The following PARD3B variants were observed in gnomAD, a reference collection of about 807,000 sequenced individuals.
The protein encoded by PARD3B is partitioning defective 3 homolog B.
In PARD3B, 103 loss-of-function variants were observed where a neutral mutation model predicts 130.2. The ratio of observed to expected loss-of-function variants is 0.79; its 90% CI spans 0.67 to 0.93. The LOEUF is 0.93. Among genes scored for constraint, PARD3B ranks in the 40% least tolerant of loss-of-function variants. The probability of loss-of-function intolerance (pLI) is 0.00; values close to 1 mark genes in which losing one functional copy is unlikely to be tolerated. For missense variants in PARD3B, 1,609 were observed against 1,499.2 expected, an observed-to-expected ratio of 1.07 and a Z score of -1.21; for synonymous variants, 583 against 553.2, an observed-to-expected ratio of 1.05 and a Z score of -0.76.
chr2:204,714,267 A>G (rs1388772982), intron 2 of PARD3B, among the ~76,000 whole-genome samples: 2 of 152,166 alleles, frequency 1.3e-5, no homozygotes, highest in African/African-American at 4.8e-5. Flanking sequence ...CTGCAAAATA[A>G]CATTTACTAA....
rs1373809667 is a variant in PARD3B at position 205,125,786 on chromosome 2, ACACTCAATGAACT to A, written c.1434+52_1434+64del. 1 of 1,604,244 alleles carries A rather than the reference ACACTCAATGAACT, an allele frequency of 6.2e-7. No individual in the cohort carries two copies. The highest frequency in any genetic ancestry group is 1.3e-5 in the African/African-American group (1 of 74,678). On this transcript the variant is annotated intron_variant, in intron 10 of 22. Coordinates refer to ENST00000406610, the MANE Select transcript of PARD3B (RefSeq NM_001302769.2). The surrounding 1 kb of genome is among the most constrained non-coding windows in gnomAD (Gnocchi z 4.0). ...CTGAATTTTTAATGCCGAGCTTAATACACTCAATGAACTCATTATAGCTGAGAAACGAGTTCTA... is the reference window on the plus strand; with the variant it reads ...CTGAATTTTTAATGCCGAGCTTAATACATTATAGCTGAGAAACGAGTTCTA...
chr2:204,889,811 C>G (rs17595672), intron 2 of PARD3B, among the ~76,000 whole-genome samples: 1 of 152,238 alleles, frequency 6.6e-6, no homozygotes, highest in South Asian at 2.1e-4. Context: ...TCAACTGATT[C>G]AAGGCTGGTG....
chr2:205,588,359 C>G (rs898030537), intron 22 of PARD3B, among the ~76,000 whole-genome samples: 1 of 152,166 alleles, frequency 6.6e-6, no homozygotes, highest in African/African-American at 2.4e-5. Flanking sequence ...TACTTTGTAT[C>G]TATCCCAGAG....
Position 204,618,213 on chromosome 2 carries a change from C to T in PARD3B, c.121-67968C>T, listed in dbSNP as rs111247781. Among the ~76,000 whole-genome samples the T allele has an allele frequency of 5.5e-3, 842 of 152,192 alleles. 5 individuals are homozygous for T. Among genetic ancestry groups the T allele is most frequent in the Non-Finnish European group, 8.8e-3 (598 of 67,998 alleles). On this transcript the variant is annotated intron_variant, in intron 1 of 22. Transcript: ENST00000406610. ...ATGTTTATGTCCTAGAATTTTCACC[C>T]GGGATCACAAACTAGCATATAGAGG...
chr2:204,829,775 G>T (rs908433555), intron 2 of PARD3B, among the ~76,000 whole-genome samples: 1 of 151,964 alleles, frequency 6.6e-6, no homozygotes, highest in Non-Finnish European at 1.5e-5. Flanking sequence ...CGAGGTGGGC[G>T]GATCACGAGG....
chr2:204,680,612 C>A (rs923978527), intron 1 of PARD3B, among the ~76,000 whole-genome samples: 9 of 151,348 alleles, frequency 5.9e-5, no homozygotes, highest in Non-Finnish European at 7.4e-5. Context: ...GCTTTTTGAT[C>A]AATTTTTTTT....
intron 4 of PARD3B, among the ~76,000 whole-genome samples, chr2:205,103,397 A>G (rs1359521819): frequency 9.9e-5 from 11 of 111,030 alleles, no homozygotes; most frequent in South Asian, 3.0e-4. Flanking sequence ...TATAAATTAT[A>G]TAAATAAAAT....
At chr2:205,497,987 G>T (rs570054397) in intron 20 of PARD3B, among the ~76,000 whole-genome samples, 3 of 146,248 alleles carry the variant, frequency 2.1e-5, no homozygotes, top group South Asian at 4.4e-4. Flanking sequence ...GACCAGCCTG[G>T]CCAACATGGT....
Position 204,746,116 on chromosome 2 carries a change from T to C in PARD3B, c.222+59834T>C, listed in dbSNP as rs528571368. On this transcript the variant is annotated intron_variant, in intron 2 of 22. Coordinates refer to ENST00000406610, the MANE Select transcript of PARD3B (RefSeq NM_001302769.2). Reference sequence around the variant, plus strand: ...ATTTAGCATTAGGTATATCTCCTAATGCTATCCCTCCCCCCTCCCCCCACC... The same window carrying C: ...ATTTAGCATTAGGTATATCTCCTAACGCTATCCCTCCCCCCTCCCCCCACC... Among the ~76,000 whole-genome samples, 22 of 139,596 alleles carry C rather than the reference T, an allele frequency of 1.6e-4. No individual in the cohort carries two copies. The South Asian group carries it at 5.8e-3, about 37-fold the overall frequency. The allele number at this position is 139,596 out of a possible 152,430, so 91.6% of individuals were successfully genotyped here. A position where few individuals can be genotyped will look rare whatever the true frequency, so the allele number is the denominator to read the frequency against.
intron 2 of PARD3B, among the ~76,000 whole-genome samples, chr2:204,763,039 C>T (rs1468311700): frequency 2.6e-5 from 4 of 152,190 alleles, no homozygotes; most frequent in African/African-American, 9.6e-5. Flanking sequence ...GGATTACATG[C>T]GTGAGCCACT....
intron 11 of PARD3B, among the ~76,000 whole-genome samples, chr2:205,162,613 A>G (rs1167767867): frequency 1.3e-5 from 2 of 152,266 alleles, no homozygotes; most frequent in African/African-American, 4.8e-5. Context: ...TTCTGAAAGA[A>G]TTATGAGCAG....
At chr2:205,393,466 T>C (rs2045925787) in intron 18 of PARD3B, among the ~76,000 whole-genome samples, 2 of 152,240 alleles carry the variant, frequency 1.3e-5, no homozygotes, top group Admixed American at 6.5e-5. Flanking sequence ...TAGCGATGAC[T>C]AGATGTTGCA....
intron 3 of PARD3B, among the ~76,000 whole-genome samples, chr2:205,014,852 A>T (rs1439231765): frequency 1.3e-5 from 2 of 152,234 alleles, no homozygotes; most frequent in Non-Finnish European, 2.9e-5. Flanking sequence ...GTGAAATTTA[A>T]GCTGAGGACA....
chr2:204,925,059 G>A (rs902820291), intron 2 of PARD3B, among the ~76,000 whole-genome samples: 7 of 150,866 alleles, frequency 4.6e-5, no homozygotes, highest in Admixed American at 4.6e-4. Flanking sequence ...GTATATACAG[G>A]TATCTATGTA....
In PARD3B at chr2:205,229,682, T is replaced by C. The variant is rs569171787; in HGVS notation, c.2141-16096T>C. On this transcript the variant is annotated intron_variant, in intron 15 of 22. Transcript: ENST00000406610. This position sits in a 1 kb window ranked among gnomAD's most constrained non-coding sequence, Gnocchi z 5.2. ...CTGCCTGGCTACCACCTACATTTGCTTAGGACACTAGAGCTCCGCAATAAG... is the reference window on the plus strand; with the variant it reads ...CTGCCTGGCTACCACCTACATTTGCCTAGGACACTAGAGCTCCGCAATAAG... 5.3e-5 allele frequency among the ~76,000 whole-genome samples: 8 copies of C among 152,224 alleles called. No individual in the cohort carries two copies. The highest frequency in any genetic ancestry group is 1.9e-4 in the African/African-American group (8 of 41,550).
intron 3 of PARD3B, among the ~76,000 whole-genome samples, chr2:204,978,063 T>C (rs989532687): frequency 6.6e-6 from 1 of 152,064 alleles, no homozygotes; most frequent in African/African-American, 2.4e-5. Flanking sequence ...TGCTGATCCT[T>C]CCTGATGGCT....
chr2:204,713,415 C>G (rs79243561), intron 2 of PARD3B, among the ~76,000 whole-genome samples: 3,972 of 141,910 alleles, frequency 0.028, 77 homozygotes, highest in Middle Eastern at 0.072. Context: ...ATAGACGTAC[C>G]ATAAAATTTA....
chr2:205,161,425 G>C (rs2034496968), intron 11 of PARD3B, among the ~76,000 whole-genome samples: 1 of 152,164 alleles, frequency 6.6e-6, no homozygotes, highest in South Asian at 2.1e-4. Flanking sequence ...TAGCCTTCTT[G>C]TGAATGTTTA....
intron 13 of PARD3B, among the ~76,000 whole-genome samples, chr2:205,182,683 A>G (rs2035861891): frequency 6.6e-6 from 1 of 152,228 alleles, no homozygotes; most frequent in East Asian, 1.9e-4. Context: ...AATATTAAGT[A>G]ATAGATAAAC....
Sources: gnomAD v4.1 joint callset for allele counts (sites outside exome capture counted in the v4.1 genomes callset) on GRCh38, gnomAD v4.1.1 for gene constraint, Gnocchi (gnomAD v3.1) non-coding constraint, MANE v1.5 for transcripts, NCBI Gene and HGNC (gene_info 2026-07-23, HGNC 2026-07-21) for gene names.